Variants in TINAG observed in about 807,000 individuals in gnomAD.
The protein encoded by TINAG is tubulointerstitial nephritis antigen.
TINAG carries 83 observed loss-of-function variants against 72.7 expected under a neutral mutation model. The ratio of observed to expected loss-of-function variants is 1.14; its 90% CI spans 0.96 to 1.37. TINAG has a LOEUF of 1.37. Ranked by LOEUF, TINAG falls within the 40% of genes most tolerant of loss-of-function variation. The pLI is 0.00. For missense variants in TINAG, 685 were observed against 576.6 expected, an observed-to-expected ratio of 1.19 and a Z score of -1.93; for synonymous variants, 234 against 189.9, an observed-to-expected ratio of 1.23 and a Z score of -1.91.
chr6:54,335,138 T>A (rs1784830698), intron 4 of TINAG, among the ~76,000 whole-genome samples: 1 of 152,176 alleles, frequency 6.6e-6, no homozygotes, highest in Non-Finnish European at 1.5e-5. Context: ...TTCTAACATA[T>A]CCTTTATAAA....
intron 9 of TINAG, among the ~76,000 whole-genome samples, chr6:54,360,135 G>T (rs1313580272): frequency 6.6e-6 from 1 of 151,620 alleles, no homozygotes; most frequent in Non-Finnish European, 1.5e-5. Flanking sequence ...TCTAGCATAA[G>T]GTGATAAAGG....
intron 9 of TINAG, chr6:54,367,114 C>T (rs1450352442): frequency 6.6e-6 from 1 of 151,768 alleles, no homozygotes; most frequent in African/African-American, 2.4e-5. Context: ...GTTTGATTTA[C>T]AGTGTAAATT....
intron 9 of TINAG, among the ~76,000 whole-genome samples, chr6:54,378,805 A>G (rs1169144415): frequency 6.6e-6 from 1 of 152,140 alleles, no homozygotes; most frequent in African/African-American, 2.4e-5. Context: ...CAAAGTGGGA[A>G]GGCAACCTAG....
chr6:54,324,622 C>T (rs1467283681), intron 3 of TINAG, among the ~76,000 whole-genome samples: 1 of 152,150 alleles, frequency 6.6e-6, no homozygotes, highest in African/African-American at 2.4e-5. Context: ...CAGCTCACCC[C>T]AAACTGCAGT....
intron 9 of TINAG, among the ~76,000 whole-genome samples, chr6:54,373,515 G>A (rs1260842904): frequency 1.3e-5 from 2 of 151,904 alleles, no homozygotes; most frequent in Non-Finnish European, 2.9e-5. Flanking sequence ...TGATAATTTA[G>A]CCACTTAAGC....
intron 9 of TINAG, among the ~76,000 whole-genome samples, chr6:54,360,387 A>G (rs1017580405): frequency 4.6e-5 from 7 of 151,726 alleles, no homozygotes; most frequent in African/African-American, 1.7e-4. Context: ...TGATTAAACT[A>G]AGAAACTCCA....
chr6:54,356,594 AC>A (rs1391470827), intron 9 of TINAG, among the ~76,000 whole-genome samples: 1 of 151,886 alleles, frequency 6.6e-6, no homozygotes, highest in Non-Finnish European at 1.5e-5. Flanking sequence ...TTGGTAAAAA[AC>A]ATGTCAGGTA....
rs569167256 is a variant in TINAG, at chr6:54,374,131, C to T, written c.1251-6395C>T. ...TTCATAGGTCAAATTACATGTGATA[C>T]TACACTTGTAATCTTCTTGCTTCCT... On this transcript the variant is annotated intron_variant, in intron 9 of 10. Transcript: ENST00000259782. Among the ~76,000 whole-genome samples, 6 of 152,222 alleles carry T rather than the reference C, an allele frequency of 3.9e-5. No individual in the cohort carries two copies. In the South Asian group the frequency reaches 1.2e-3, roughly 32 times the overall value.
intron 9 of TINAG, among the ~76,000 whole-genome samples, chr6:54,374,696 G>A (rs1763729273): frequency 6.6e-6 from 1 of 152,010 alleles, no homozygotes; most frequent in African/African-American, 2.4e-5. Flanking sequence ...CCTATATCCA[G>A]TGTAGTTGTA....
At chr6:54,364,128 G>C (rs896596777) in intron 9 of TINAG, among the ~76,000 whole-genome samples, 3 of 151,378 alleles carry the variant, frequency 2.0e-5, no homozygotes, top group African/African-American at 7.3e-5. Context: ...AGTTTGTAAT[G>C]GTCATCTAGG....
At chr6:54,371,494 G>A (rs1282694200) in intron 9 of TINAG, among the ~76,000 whole-genome samples, 2 of 151,470 alleles carry the variant, frequency 1.3e-5, no homozygotes, top group Non-Finnish European at 2.9e-5. Context: ...ATAGAATTTA[G>A]AATGATTCTA....
At position 54,308,497 on chromosome 6, in the gene TINAG, G is replaced by T; in HGVS notation, c.-54G>T. The T allele has an allele frequency of 6.7e-7, 1 of 1,482,532 alleles. No homozygotes were observed. Among genetic ancestry groups the T allele is most frequent in the South Asian group, 1.3e-5 (1 of 75,568 alleles). 91.8% of individuals were successfully genotyped at this position (1,482,532 alleles called of 1,614,324 possible). Reference sequence around the variant, plus strand: ...TCAGGTTCCAAGGAGAAGCCCACAAGGCTAAGGGTATTGGATATAACGGAA... The same window carrying T: ...TCAGGTTCCAAGGAGAAGCCCACAATGCTAAGGGTATTGGATATAACGGAA... On this transcript the variant is annotated 5_prime_UTR_variant, in exon 1 of 11. In the 5' UTR this introduces an upstream ATG that the reference lacks. Coordinates refer to ENST00000259782, the MANE Select transcript of TINAG (RefSeq NM_014464.4).
intron 1 of TINAG, among the ~76,000 whole-genome samples, chr6:54,311,320 A>C (rs1042077798): frequency 5.9e-5 from 9 of 152,096 alleles, no homozygotes; most frequent in African/African-American, 2.2e-4. Context: ...GTGGGTGGAC[A>C]CCTAAGTTGT....
chr6:54,371,986 T>TTTTTTTTGTTTTTTTTTTTG (rs1763627806), intron 9 of TINAG, among the ~76,000 whole-genome samples: 1 of 111,268 alleles, frequency 9.0e-6, no homozygotes, highest in African/African-American at 4.6e-5. Context: ...GTCATGTTTT[T>TTTTTTTTGTTTTTTTTTTTG]TTTTTTTTTT....
At position 54,389,160 on chromosome 6, in the gene TINAG, C is replaced by T. The variant is rs138896710; in HGVS notation, c.1297-631C>T. ...ACAATTTTATTGCTTAATTTCACTG[C>T]TTCATACTATTTCATGCTTTGGTGT... On this transcript the variant is annotated intron_variant, in intron 10 of 10. Transcript: ENST00000259782. Among the ~76,000 whole-genome samples the T allele has an allele frequency of 9.2e-5, 14 of 152,230 alleles. No individual in the cohort carries two copies. In the East Asian group the frequency reaches 1.7e-3, roughly 19 times the overall value.
At chr6:54,365,305 G>A (rs1342115760) in intron 9 of TINAG, 1 of 151,498 alleles carries the variant, frequency 6.6e-6, no homozygotes, top group Non-Finnish European at 1.5e-5. Flanking sequence ...GGGGTGCACT[G>A]GTTTGAATAA....
In TINAG at chr6:54,380,551, G is replaced by C. The variant is rs1763916034; in HGVS notation, c.1276G>C (p.Gly426Arg). The change falls in exon 10 of 11, where the codon GGG (glycine) becomes CGG (arginine). Residue 426 changes from glycine (G) to arginine (R), a missense_variant. By Grantham distance (125) the Gly-to-Arg change is moderately radical. Coordinates refer to ENST00000259782, the MANE Select transcript of TINAG (RefSeq NM_014464.4). ...ATGGGGCACACTGAGAGGAGCACAA[G>C]GGCAGAAAGAAAAATTTTGGGTATG... is the stretch of plus-strand genomic sequence containing the variant. ...TGWGTLRGAQ[G>R]QKEKFWIAAN... 1.9e-6 allele frequency: 3 copies of C among 1,610,536 alleles called. No individual in the cohort carries two copies. The highest frequency in any genetic ancestry group is 2.5e-6 in the Non-Finnish European group (3 of 1,177,930).
At chr6:54,315,676 A>C (rs1784355990) in intron 1 of TINAG, among the ~76,000 whole-genome samples, 1 of 104,446 alleles carries the variant, frequency 9.6e-6, no homozygotes, top group African/African-American at 3.3e-5. Flanking sequence ...GACCCTGTCA[A>C]AGTAAAAAAA....
chr6:54,370,110 C>T (rs1763559300), intron 9 of TINAG: 2 of 151,840 alleles, frequency 1.3e-5, no homozygotes, highest in African/African-American at 4.8e-5. Flanking sequence ...AAAAAAATGC[C>T]CAGTGAAGTC....
Sources: allele counts gnomAD v4.1 joint callset (sites outside exome capture counted in the v4.1 genomes callset), GRCh38; gene constraint gnomAD v4.1.1; transcripts MANE v1.5; gene names NCBI Gene and HGNC (gene_info 2026-07-23, HGNC 2026-07-21).